EFNA5: variants seen among roughly 807,000 people sequenced by gnomAD.
The protein encoded by EFNA5 is ephrin A5.
In EFNA5, 5 loss-of-function variants were observed where a neutral mutation model predicts 22.9. That is an observed-to-expected ratio of 0.22 (90% CI 0.11 to 0.46). The LOEUF (loss-of-function observed/expected upper bound fraction) is 0.46, where lower values mean the gene tolerates loss of function less well. Among genes scored for constraint, EFNA5 ranks in the 20% least tolerant of loss-of-function variants. EFNA5 has a pLI of 0.99. For synonymous variants in EFNA5, 113 were observed against 112.2 expected (o/e 1.01, Z -0.04); for missense variants, 237 against 293.3 (o/e 0.81, Z 1.40).
At chr5:107,641,601 A>G (rs1226166589) in intron 1 of EFNA5, among the ~76,000 whole-genome samples, 1 of 152,224 alleles carries the variant, frequency 6.6e-6, no homozygotes, top group Non-Finnish European at 1.5e-5. Context: ...TTATTAATAC[A>G]TCAACTCCCA....
intron 1 of EFNA5, among the ~76,000 whole-genome samples, chr5:107,545,575 A>C (rs1748129365): frequency 6.6e-6 from 1 of 152,198 alleles, no homozygotes; most frequent in African/African-American, 2.4e-5. Context: ...AGATGCCCTT[A>C]CAGGATGATG....
At chr5:107,600,398 A>G (rs1029446724) in intron 1 of EFNA5, among the ~76,000 whole-genome samples, 1 of 152,186 alleles carries the variant, frequency 6.6e-6, no homozygotes, top group Non-Finnish European at 1.5e-5. Context: ...ACTGATGACT[A>G]TTCACTAACG....
intron 1 of EFNA5, among the ~76,000 whole-genome samples, 152 bp downstream of exon 1, chr5:107,670,336 TC>T (rs1384723501): frequency 1.3e-5 from 2 of 152,202 alleles, no homozygotes; most frequent in South Asian, 2.1e-4. Context: ...CGCGAGCGCT[TC>T]CCGCCGACGC....
At chr5:107,468,244 C>T (rs1367574482) in intron 1 of EFNA5, among the ~76,000 whole-genome samples, 1 of 152,128 alleles carries the variant, frequency 6.6e-6, no homozygotes, top group African/African-American at 2.4e-5. Flanking sequence ...AGAAATTATA[C>T]TTGTAGCTTT....
At chr5:107,443,812 G>T (rs1311710849) in intron 1 of EFNA5, among the ~76,000 whole-genome samples, 9 of 152,098 alleles carry the variant, frequency 5.9e-5, no homozygotes. Flanking sequence ...AACTACCATG[G>T]CACATGTATA....
intron 1 of EFNA5, among the ~76,000 whole-genome samples, chr5:107,454,871 T>A (rs1414082405): frequency 6.6e-6 from 1 of 152,112 alleles, no homozygotes; most frequent in Non-Finnish European, 1.5e-5. Flanking sequence ...TATGAGAGAA[T>A]GAGAGGGAAC....
intron 1 of EFNA5, among the ~76,000 whole-genome samples, chr5:107,659,979 C>T (rs1281700513): frequency 1.3e-5 from 2 of 151,672 alleles, no homozygotes; most frequent in African/African-American, 2.4e-5. Context: ...CTTAGGTGTA[C>T]ATATTCTTAT....
intron 1 of EFNA5, among the ~76,000 whole-genome samples, chr5:107,516,174 TTGTGTGTGTG>T (rs59824895): frequency 4.0e-4 from 56 of 139,512 alleles, no homozygotes; most frequent in African/African-American, 1.2e-3. Context: ...CTGGCTAGTT[TTGTGTGTGTG>T]TGTGTGTGTG....
At chr5:107,605,232 C>A (rs1039447634) in intron 1 of EFNA5, among the ~76,000 whole-genome samples, 4 of 151,914 alleles carry the variant, frequency 2.6e-5, no homozygotes, top group Non-Finnish European at 5.9e-5. Flanking sequence ...CCCCCTAATG[C>A]CTCTTATGGG....
In EFNA5 at chr5:107,381,328, G is replaced by C; in HGVS notation, c.614C>G (p.Ala205Gly). Residue 205 changes from alanine to glycine, a missense_variant, in exon 5 of 5, where the codon GCA (alanine) becomes GGA (glycine). By Grantham distance (60) the Ala-to-Gly change is moderately conservative (BLOSUM62 0). This residue lies in a region of EFNA5 where 104 missense variants were observed against 114.5 expected (regional missense o/e 0.91). Transcript: ENST00000333274. ...SAEPSRGENA[A>G]QTPRIPSRLL... ...GCGGCTGGGTATCCTTGGTGTTTGT[G>C]CCGCGTTCTCGCCGCGGGATGGCTC... is the stretch of plus-strand genomic sequence containing the variant. The C allele has an allele frequency of 6.2e-7, 1 of 1,614,044 alleles. No individual in the cohort carries two copies.
intron 1 of EFNA5, among the ~76,000 whole-genome samples, chr5:107,651,059 TCTC>T (rs1750718822): frequency 6.6e-6 from 1 of 152,118 alleles, no homozygotes; most frequent in Admixed American, 6.6e-5. Flanking sequence ...TCCCTACCAT[TCTC>T]CTCCACTACA....
chr5:107,599,962 A>C (rs1749560071), intron 1 of EFNA5, among the ~76,000 whole-genome samples: 2 of 152,380 alleles, frequency 1.3e-5, no homozygotes, highest in Admixed American at 6.5e-5. Context: ...GACTCTCCTC[A>C]ATCTCATGAA....
chr5:107,428,114 T>A (rs904013301), intron 1 of EFNA5, among the ~76,000 whole-genome samples: 2 of 152,152 alleles, frequency 1.3e-5, no homozygotes. Context: ...GACATAAAGA[T>A]GAAGCAGTGA....
intron 1 of EFNA5, among the ~76,000 whole-genome samples, chr5:107,659,694 T>C (rs1750905036): frequency 6.6e-6 from 1 of 151,864 alleles, no homozygotes. Flanking sequence ...AAAAAATAAT[T>C]TGCAAAAGAC....
intron 1 of EFNA5, among the ~76,000 whole-genome samples, chr5:107,547,943 G>T (rs903947015): frequency 6.6e-6 from 1 of 152,182 alleles, no homozygotes; most frequent in African/African-American, 2.4e-5. Context: ...TTCAATTTCA[G>T]AGAAGGTGGT....
At chr5:107,430,574 G>A (rs1290986857) in intron 1 of EFNA5, among the ~76,000 whole-genome samples, 1 of 151,770 alleles carries the variant, frequency 6.6e-6, no homozygotes, top group Non-Finnish European at 1.5e-5. Context: ...CTAGAAGTTT[G>A]CTCTCCTTTC....
intron 1 of EFNA5, among the ~76,000 whole-genome samples, chr5:107,525,711 G>A (rs1747682208): frequency 6.6e-6 from 1 of 152,134 alleles, no homozygotes; most frequent in Non-Finnish European, 1.5e-5. Flanking sequence ...AGTAGGCTGA[G>A]GAGAAGGAGA....
chr5:107,499,775 C>A (rs1747088942), intron 1 of EFNA5, among the ~76,000 whole-genome samples: 1 of 152,186 alleles, frequency 6.6e-6, no homozygotes, highest in Non-Finnish European at 1.5e-5. Flanking sequence ...TTTCACTCCA[C>A]CACTTCATTG....
chr5:107,629,913 G>A (rs765158201), intron 1 of EFNA5, among the ~76,000 whole-genome samples: 10 of 152,056 alleles, frequency 6.6e-5, no homozygotes, highest in Admixed American at 6.5e-5. Flanking sequence ...AACATTAGCC[G>A]GGCATGGAGG....
Sources: allele counts gnomAD v4.1 joint callset (sites outside exome capture counted in the v4.1 genomes callset), GRCh38; gene constraint gnomAD v4.1.1; regional missense constraint gnomAD v4.1.1; transcripts MANE v1.5; gene names NCBI Gene and HGNC (gene_info 2026-07-23, HGNC 2026-07-21).